Variants in RAB40C observed in about 807,000 individuals in gnomAD.
The protein encoded by RAB40C is ras-related protein Rab-40C.
In RAB40C, 8 loss-of-function variants were observed where a neutral mutation model predicts 28.1. The observed-to-expected ratio is 0.28, with a 90% CI of 0.17 to 0.51. RAB40C has a LOEUF of 0.51. RAB40C is among the 20% of genes least tolerant of loss of function. RAB40C has a pLI of 0.97. For missense variants in RAB40C, 288 were observed against 405.9 expected, an observed-to-expected ratio of 0.71 and a Z score of 2.50; for synonymous variants, 201 against 171.7, an observed-to-expected ratio of 1.17 and a Z score of -1.34.
intron 1 of RAB40C, among the ~76,000 whole-genome samples, chr16:605,406 A>G (rs533516004): frequency 6.6e-6 from 1 of 152,336 alleles, no homozygotes; most frequent in African/African-American, 2.4e-5. Context: ...AGTCTGCAAT[A>G]CAGTGAGTGC....
intron 1 of RAB40C, among the ~76,000 whole-genome samples, chr16:591,915 C>T (rs1400657289): frequency 6.6e-6 from 1 of 152,216 alleles, no homozygotes. Flanking sequence ...TTTTTAACTT[C>T]CAGTGGCATG....
At chr16:607,963 G>T (rs1172911999) in intron 1 of RAB40C, among the ~76,000 whole-genome samples, 1 of 151,946 alleles carries the variant, frequency 6.6e-6, no homozygotes, top group African/African-American at 2.4e-5. Flanking sequence ...CCCTCTGAAG[G>T]GTGCCTGAGT....
At chr16:601,253 C>A (rs367608832) in intron 1 of RAB40C, among the ~76,000 whole-genome samples, 1 of 152,146 alleles carries the variant, frequency 6.6e-6, no homozygotes. Flanking sequence ...GCTGTATCAC[C>A]GAGTATCTGC....
At chr16:594,964 C>T (rs866106869) in intron 1 of RAB40C, among the ~76,000 whole-genome samples, 11 of 152,104 alleles carry the variant, frequency 7.2e-5, no homozygotes, top group Middle Eastern at 6.8e-3. Flanking sequence ...GGATTACAGA[C>T]GCCTGCCACC....
At position 625,440 on chromosome 16, in the gene RAB40C, C is replaced by T. The variant is rs1375795307; in HGVS notation, c.273C>T (p.Leu91=). 6.2e-7 allele frequency: 1 copy of T among 1,613,378 alleles called. No individual in the cohort carries two copies. The highest frequency in any genetic ancestry group is 1.7e-4 in the Middle Eastern group (1 of 6,060). Residue 91 remains leucine, a synonymous_variant, in exon 4 of 6, where the codon CTC becomes CTT. Transcript: ENST00000248139. ...CCAAGTCTCTGTTGCAGGGGATCCTCTTGGTGTATGACATCACCAACCGCT... is the reference window on the plus strand; with the variant it reads ...CCAAGTCTCTGTTGCAGGGGATCCTTTTGGTGTATGACATCACCAACCGCT... The part of the protein sequence containing the change: ...RSYSRGAQGI[L]LVYDITNRWS...
chr16:595,060 C>T (rs548698005), intron 1 of RAB40C, among the ~76,000 whole-genome samples: 102 of 152,248 alleles, frequency 6.7e-4, no homozygotes, highest in African/African-American at 2.0e-3. Flanking sequence ...CTCAAGTGAT[C>T]CACCTGCCTC....
chr16:620,702 C>A (rs2036694283), intron 3 of RAB40C, among the ~76,000 whole-genome samples: 1 of 65,074 alleles, frequency 1.5e-5, no homozygotes, highest in South Asian at 8.5e-4. Context: ...CCCCGATGGG[C>A]TCCACCGCGG....
At chr16:623,833 C>G (rs1177872146) in intron 3 of RAB40C, 1 of 481,954 alleles carries the variant, frequency 2.1e-6, no homozygotes, top group Non-Finnish European at 2.7e-6. Context: ...ACCTGTATTC[C>G]CAGCCACTCA....
intron 1 of RAB40C, among the ~76,000 whole-genome samples, chr16:598,575 A>AG (rs1339232393): frequency 1.5e-4 from 22 of 149,050 alleles, no homozygotes; most frequent in African/African-American, 3.2e-4. Context: ...AAAAAAAAAA[A>AG]AAAAAGAAAA....
At chr16:596,670 C>T (rs2036132138) in intron 1 of RAB40C, among the ~76,000 whole-genome samples, 1 of 152,136 alleles carries the variant, frequency 6.6e-6, no homozygotes, top group Non-Finnish European at 1.5e-5. Flanking sequence ...GTGGAACTGG[C>T]GGGTGTCAGG....
intron 1 of RAB40C, among the ~76,000 whole-genome samples, chr16:604,234 T>C (rs1309540925): frequency 1.7e-5 from 2 of 118,862 alleles, no homozygotes; most frequent in South Asian, 2.7e-4. Context: ...GCTAGTTCTT[T>C]TAAATTTTTT....
chr16:593,537 A>T (rs1219143814), intron 1 of RAB40C, among the ~76,000 whole-genome samples: 1 of 152,236 alleles, frequency 6.6e-6, no homozygotes, highest in Admixed American at 6.5e-5. Context: ...CATGGCCCAC[A>T]GCTCCTTCAG....
intron 1 of RAB40C, 119 bp from the exon 2 acceptor site, chr16:617,089 G>T: frequency 9.7e-7 from 1 of 1,034,930 alleles, no homozygotes; most frequent in South Asian, 1.3e-5. Context: ...GAGTGTGGGG[G>T]AGCTGCTTCT....
intron 1 of RAB40C, among the ~76,000 whole-genome samples, chr16:595,719 C>G (rs962070949): frequency 6.6e-6 from 1 of 151,728 alleles, no homozygotes; most frequent in African/African-American, 2.4e-5. Flanking sequence ...TCTACTGCCT[C>G]AGCCTCCCGA....
chr16:605,953 G>A (rs1480654488), intron 1 of RAB40C, among the ~76,000 whole-genome samples: 1 of 152,238 alleles, frequency 6.6e-6, no homozygotes, highest in Admixed American at 6.5e-5. Flanking sequence ...ATGGCTGCAA[G>A]CTTGTTTCTT....
Position 627,395 on chromosome 16 carries a change from C to G in RAB40C, c.619C>G (p.His207Asp), listed in dbSNP as rs887252783. 1 of 1,613,948 alleles carries G rather than the reference C, an allele frequency of 6.2e-7. No individual in the cohort carries two copies. Among genetic ancestry groups the G allele is most frequent in the South Asian group, 1.1e-5 (1 of 91,086 alleles). The stretch of plus-strand genomic sequence containing the variant: ...GGCCATCGTCTCCTGCACCCCCGTG[C>G]ACCTCATCGACAAGCTTCCACTGCC... ...CRAIVSCTPV[H>D]LIDKLPLPVT... The change falls in exon 6 of 6, where the codon CAC (histidine) becomes GAC (aspartate). Residue 207 changes from histidine to aspartate, a missense_variant. Physicochemically the swap from His to Asp is moderately conservative, Grantham distance 81 (BLOSUM62 -1). Around this residue, in one of 3 missense-constraint regions of RAB40C, gnomAD observed 153 missense variants for 262.4 expected, o/e 0.58. Transcript: ENST00000248139.
At chr16:591,486 C>G (rs11649661) in intron 1 of RAB40C, among the ~76,000 whole-genome samples, 60 of 152,232 alleles carry the variant, frequency 3.9e-4, no homozygotes, top group African/African-American at 1.4e-3. Flanking sequence ...ACGCTGTTCC[C>G]CTGAGGTATT....
At chr16:607,837 AAAAAAG>A (rs947341527) in intron 1 of RAB40C, among the ~76,000 whole-genome samples, 3 of 152,156 alleles carry the variant, frequency 2.0e-5, no homozygotes, top group Non-Finnish European at 2.9e-5. Context: ...TAAAGCAGAC[AAAAAAG>A]AAAAAGAAAA....
intron 1 of RAB40C, among the ~76,000 whole-genome samples, chr16:601,982 G>A (rs569859754): frequency 2.0e-5 from 3 of 151,930 alleles, no homozygotes; most frequent in South Asian, 2.1e-4. Context: ...AAAAGTTAGC[G>A]GGGTGTGGTG....
Sources: gnomAD v4.1 joint callset for allele counts (sites outside exome capture counted in the v4.1 genomes callset) on GRCh38, gnomAD v4.1.1 for gene constraint, gnomAD v4.1.1 regional missense constraint, MANE v1.5 for transcripts, NCBI Gene and HGNC (gene_info 2026-07-23, HGNC 2026-07-21) for gene names.